The following SNX14 variants were observed in gnomAD, a reference collection of about 807,000 sequenced individuals.
SNX14 encodes sorting nexin-14.
A neutral mutation model predicts 133.8 loss-of-function variants in SNX14; 93 were observed. That is an observed-to-expected ratio of 0.70 (90% CI 0.59 to 0.83). The LOEUF (loss-of-function observed/expected upper bound fraction) is 0.83. Among genes scored for constraint, SNX14 ranks in the 40% least tolerant of loss-of-function variants. The probability of loss-of-function intolerance (pLI) is 0.00; values close to 1 mark genes in which losing one functional copy is unlikely to be tolerated. For missense variants in SNX14, 945 were observed against 1,094.9 expected, an observed-to-expected ratio of 0.86 and a Z score of 1.93; for synonymous variants, 368 against 365.6, an observed-to-expected ratio of 1.01 and a Z score of -0.07.
Position 85,593,686 on chromosome 6 carries a change from C to T in SNX14, c.33G>A (p.Lys11=). The T allele has an allele frequency of 6.2e-7, 1 of 1,613,648 alleles. No homozygotes were observed. Residue 11 remains lysine, a synonymous_variant, in exon 1 of 29, where the codon AAG becomes AAA. Coordinates refer to ENST00000314673, the MANE Select transcript of SNX14 (RefSeq NM_153816.6). ...CGTCCAGTCGCAGCCGCTGCTTCAG[C>T]TTCTGCCCCATCGTCCGCACCCAGG... MVPWVRTMGQ[K]LKQRLRLDVG... is the part of the protein sequence containing the mutation.
chr6:85,522,505 CA>C (rs1263553210), intron 21 of SNX14, among the ~76,000 whole-genome samples: 1 of 152,152 alleles, frequency 6.6e-6, no homozygotes, highest in Non-Finnish European at 1.5e-5. Flanking sequence ...GGTTTCTAAA[CA>C]ATGAATACGA....
intron 8 of SNX14, among the ~76,000 whole-genome samples, 192 bp downstream of exon 8, chr6:85,549,531 A>G (rs1022413779): frequency 6.6e-5 from 10 of 152,102 alleles, no homozygotes; most frequent in African/African-American, 2.4e-4. Flanking sequence ...AACACACCAC[A>G]AATAGCACTT....
At chr6:85,509,869 A>G (rs148391048) in intron 26 of SNX14, among the ~76,000 whole-genome samples, 1 of 152,256 alleles carries the variant, frequency 6.6e-6, no homozygotes, top group Non-Finnish European at 1.5e-5. Context: ...GCCTTTTCCA[A>G]AACAGCAGAT....
Position 85,513,950 on chromosome 6 carries a change from G to A in SNX14, c.2558-55C>T, listed in dbSNP as rs1466244319. The A allele has an allele frequency of 3.8e-6, 6 of 1,560,828 alleles. No individual in the cohort carries two copies. In the East Asian group the frequency reaches 1.1e-4, roughly 29 times the overall value. ...GAATTTTCATCTATTTATACACAAA[G>A]GATTTCCTCATAGTAGAAATACTAA... is the stretch of plus-strand genomic sequence containing the variant. On this transcript the variant is annotated intron_variant, in intron 25 of 28. Transcript: ENST00000314673.
chr6:85,550,673 A>AT (rs1787493055), intron 7 of SNX14, among the ~76,000 whole-genome samples: 2 of 151,468 alleles, frequency 1.3e-5, no homozygotes, highest in Non-Finnish European at 2.9e-5. Context: ...TAATTTTTGT[A>AT]TTTTTTGTGG....
intron 5 of SNX14, 129 bp from the exon 6 acceptor site, chr6:85,565,548 C>T (rs1793539344): frequency 1.6e-5 from 10 of 612,560 alleles, no homozygotes; most frequent in Non-Finnish European, 5.7e-6. Flanking sequence ...ACAAATAATA[C>T]ATTTCATTGC....
chr6:85,529,901 C>T (rs549920531), intron 19 of SNX14, among the ~76,000 whole-genome samples: 3 of 151,410 alleles, frequency 2.0e-5, no homozygotes, highest in South Asian at 2.1e-4. Flanking sequence ...ACAGGAAGAA[C>T]GAAAAAGAGT....
intron 5 of SNX14, among the ~76,000 whole-genome samples, chr6:85,567,124 A>T (rs1419106956): frequency 6.6e-6 from 1 of 152,228 alleles, no homozygotes; most frequent in East Asian, 1.9e-4. Flanking sequence ...AAATCACTAC[A>T]TTTAGGAGTG....
At chr6:85,584,518 CCAGAA>C (rs1288398454) in intron 1 of SNX14, among the ~76,000 whole-genome samples, 1 of 152,086 alleles carries the variant, frequency 6.6e-6, no homozygotes, top group East Asian at 1.9e-4. Flanking sequence ...GGGCTAATAT[CCAGAA>C]TCTACAAGGA....
chr6:85,559,399 G>T (rs1019420292), intron 6 of SNX14, among the ~76,000 whole-genome samples: 1 of 152,058 alleles, frequency 6.6e-6, no homozygotes, highest in African/African-American at 2.4e-5. Flanking sequence ...ATTTTTATTT[G>T]TAAGTTCCAC....
At chr6:85,564,957 C>A (rs1289651336) in intron 6 of SNX14, among the ~76,000 whole-genome samples, 1 of 151,212 alleles carries the variant, frequency 6.6e-6, no homozygotes, top group African/African-American at 2.4e-5. Context: ...CCACTGTACT[C>A]CAGCCTGGGC....
At chr6:85,548,172 A>C in intron 9 of SNX14, 129 bp downstream of exon 9, 2 of 648,990 alleles carry the variant, frequency 3.1e-6, no homozygotes, top group Non-Finnish European at 5.3e-6. Flanking sequence ...GGAGATGGGG[A>C]ATGGGGATGG....
At chr6:85,533,472 TG>T in intron 18 of SNX14, 126 bp downstream of exon 18, 1 of 838,226 alleles carries the variant, frequency 1.2e-6, no homozygotes, top group Non-Finnish European at 1.8e-6. Context: ...TTTTCTGTTC[TG>T]GACACTTCTC....
intron 4 of SNX14, among the ~76,000 whole-genome samples, chr6:85,569,759 A>C (rs1239681488): frequency 1.3e-5 from 2 of 152,240 alleles, no homozygotes; most frequent in East Asian, 3.8e-4. Flanking sequence ...AATTATCAAT[A>C]ATAGTACCCA....
In SNX14 at chr6:85,514,070, C is replaced by G; in HGVS notation, c.2557G>C (p.Asp853His). The change falls in exon 25 of 29, where the codon GAT becomes CAT. Residue 853 changes from aspartate (D) to histidine (H), a missense_variant and splice_region_variant. By Grantham distance (81) the Asp-to-His change is moderately conservative. This residue lies in a region of SNX14 where 412 missense variants were observed against 516.6 expected (regional missense o/e 0.80). Coordinates refer to ENST00000314673, the MANE Select transcript of SNX14 (RefSeq NM_153816.6). Reference protein sequence around the residue: ...RLVSLITLLRDAIFCENTEPR... With the variant: ...RLVSLITLLRHAIFCENTEPR... ...AACAAACACATTAGAAAATACAAAC[C>G]TCTGAGAAGTGTTATGAGTGAGACC... 6.2e-7 allele frequency: 1 copy of G among 1,606,352 alleles called. No individual in the cohort carries two copies. Among genetic ancestry groups the G allele is most frequent in the Non-Finnish European group, 8.5e-7 (1 of 1,177,762 alleles).
At chr6:85,542,447 T>A (rs1274185355) in intron 14 of SNX14, among the ~76,000 whole-genome samples, 3 of 152,228 alleles carry the variant, frequency 2.0e-5, no homozygotes, top group Admixed American at 1.3e-4. Flanking sequence ...CAGGCTGGAG[T>A]GCAGTGGTGC....
intron 19 of SNX14, 114 bp downstream of exon 19, chr6:85,530,078 A>G: frequency 1.6e-6 from 1 of 610,046 alleles, no homozygotes; most frequent in South Asian, 2.1e-5. Flanking sequence ...CACAAGCATC[A>G]ATGTTGTATT....
At chr6:85,529,148 T>C (rs1055946764) in intron 19 of SNX14, among the ~76,000 whole-genome samples, 8 of 151,984 alleles carry the variant, frequency 5.3e-5, no homozygotes. Context: ...TAATCCCAGC[T>C]ACTCGGGAGT....
At chr6:85,543,804 T>C (rs958981150) in intron 12 of SNX14, 44 bp from the exon 13 acceptor site, 7 of 1,201,360 alleles carry the variant, frequency 5.8e-6, no homozygotes, top group Non-Finnish European at 7.8e-6. Flanking sequence ...TTTTAATATA[T>C]AATTATTCAT....
Sources: allele counts gnomAD v4.1 joint callset (sites outside exome capture counted in the v4.1 genomes callset), GRCh38; gene constraint gnomAD v4.1.1; regional missense constraint gnomAD v4.1.1; transcripts MANE v1.5; gene names NCBI Gene and HGNC (gene_info 2026-07-23, HGNC 2026-07-21).